The following MRPL48 variants were observed in gnomAD, a reference collection of about 807,000 sequenced individuals.
MRPL48 encodes mitochondrial ribosomal protein L48.
In MRPL48, 16 loss-of-function variants were observed where a neutral mutation model predicts 32.9. The observed-to-expected ratio is 0.49, with a 90% CI of 0.33 to 0.74. The LOEUF is 0.74. Among genes scored for constraint, MRPL48 ranks in the 30% least tolerant of loss-of-function variants. The pLI is 0.02. For synonymous variants in MRPL48, 94 were observed against 89.2 expected (o/e 1.05, Z -0.31); for missense variants, 206 against 245.3 (o/e 0.84, Z 1.07).
chr11:73,852,522 C>T (rs1020247469), intron 5 of MRPL48, among the ~76,000 whole-genome samples: 2 of 151,884 alleles, frequency 1.3e-5, no homozygotes, highest in South Asian at 2.1e-4. Context: ...CATCACTGAT[C>T]GTCAGAGAAA....
intron 4 of MRPL48, among the ~76,000 whole-genome samples, chr11:73,835,839 A>G (rs1225082372): frequency 1.3e-5 from 2 of 152,142 alleles, no homozygotes; most frequent in African/African-American, 2.4e-5. Context: ...TGAAGGTTGC[A>G]GTGAGTCGAG....
rs1471314897 is a variant in MRPL48 at position 73,804,425 on chromosome 11, C to T, written c.22-602C>T. 5.9e-5 allele frequency among the ~76,000 whole-genome samples: 9 copies of T among 151,998 alleles called. 1 individual carries two copies. Among genetic ancestry groups the T allele is most frequent in the Non-Finnish European group, 1.2e-4 (8 of 67,994 alleles). On this transcript the variant is annotated intron_variant, in intron 1 of 7. Coordinates refer to ENST00000310614, the MANE Select transcript of MRPL48 (RefSeq NM_016055.6). The stretch of plus-strand genomic sequence containing the variant: ...CTGAGTAGCTGGGAGTACAGGCATG[C>T]ACCACCATGCCCGGCTAATTTTTGT...
At chr11:73,826,334 G>GTAATAATACTTACTTAAGTATTTGTAA (rs1429252029) in intron 4 of MRPL48, among the ~76,000 whole-genome samples, 1 of 151,726 alleles carries the variant, frequency 6.6e-6, no homozygotes, top group Non-Finnish European at 1.5e-5. Context: ...TTTATTATTT[G>GTAATAATACTTACTTAAGTATTTGTAA]TAATACTTAA....
chr11:73,845,265 C>T, intron 5 of MRPL48: 1 of 251,720 alleles, frequency 4.0e-6, no homozygotes, highest in Non-Finnish European at 7.5e-6. Context: ...AATGAAATCA[C>T]ACAGTATGTA....
chr11:73,829,616 C>T (rs1005000044), intron 4 of MRPL48, among the ~76,000 whole-genome samples: 5 of 152,214 alleles, frequency 3.3e-5, no homozygotes, highest in Non-Finnish European at 5.9e-5. Flanking sequence ...GTGATCCTCC[C>T]ACCTTGGCCT....
intron 1 of MRPL48, among the ~76,000 whole-genome samples, chr11:73,792,846 T>C (rs1043320610): frequency 3.9e-5 from 6 of 152,246 alleles, no homozygotes; most frequent in Non-Finnish European, 7.3e-5. Context: ...CCATTAATAA[T>C]GCAACTTGTA....
chr11:73,798,696 A>G (rs1016052913), intron 1 of MRPL48, among the ~76,000 whole-genome samples: 14 of 152,078 alleles, frequency 9.2e-5, no homozygotes, highest in African/African-American at 3.4e-4. Context: ...CGTACGTGGG[A>G]AAGGTAATGG....
intron 1 of MRPL48, among the ~76,000 whole-genome samples, chr11:73,795,664 G>T (rs889314915): frequency 7.7e-6 from 1 of 129,096 alleles, no homozygotes; most frequent in Non-Finnish European, 1.6e-5. Context: ...CCGCCACCAC[G>T]CCCAGCTAAT....
At chr11:73,816,288 C>T (rs1159531514) in intron 3 of MRPL48, among the ~76,000 whole-genome samples, 1 of 149,164 alleles carries the variant, frequency 6.7e-6, no homozygotes, top group Non-Finnish European at 1.5e-5. Flanking sequence ...GTCTCGATCT[C>T]CTGACCTCGT....
intron 6 of MRPL48, among the ~76,000 whole-genome samples, chr11:73,861,668 C>T (rs1463344529): frequency 2.0e-5 from 3 of 152,012 alleles, no homozygotes; most frequent in Non-Finnish European, 4.4e-5. Flanking sequence ...TGTGCCCGGC[C>T]AATGGAGCTA....
chr11:73,840,561 G>A (rs1180767422), intron 4 of MRPL48, among the ~76,000 whole-genome samples: 6 of 152,180 alleles, frequency 3.9e-5, no homozygotes, highest in African/African-American at 9.7e-5. Context: ...GTGCAGTGGT[G>A]TGATCTCAGC....
chr11:73,861,439 G>A (rs1007068049), intron 6 of MRPL48, among the ~76,000 whole-genome samples: 1 of 152,028 alleles, frequency 6.6e-6, no homozygotes, highest in Non-Finnish European at 1.5e-5. Context: ...GTGCGATCTC[G>A]GCTCACCGCA....
chr11:73,796,967 C>T (rs1048802872), intron 1 of MRPL48, among the ~76,000 whole-genome samples: 7 of 151,984 alleles, frequency 4.6e-5, no homozygotes, highest in Non-Finnish European at 7.4e-5. Flanking sequence ...CTTAGGAGGT[C>T]GAGGCAGGAG....
In MRPL48 at chr11:73,849,503, A is replaced by G. The variant is rs1420901368; in HGVS notation, c.371+4527A>G. On this transcript the variant is annotated intron_variant, in intron 5 of 7. Coordinates refer to ENST00000310614, the MANE Select transcript of MRPL48 (RefSeq NM_016055.6). ...TTCAGAATTCCATACAAATAAAATC[A>G]TATAGTATTTTTCTTTTTGATTCTT... Among the ~76,000 whole-genome samples the G allele has an allele frequency of 2.6e-5, 4 of 152,302 alleles. No individual in the cohort carries two copies. The East Asian group carries it at 5.8e-4, about 22-fold the overall frequency.
chr11:73,790,749 A>G (rs960822128), intron 1 of MRPL48, among the ~76,000 whole-genome samples: 1 of 149,978 alleles, frequency 6.7e-6, no homozygotes, highest in African/African-American at 2.5e-5. Context: ...CTAGTCTCGA[A>G]CTCCTGGCTT....
intron 5 of MRPL48, among the ~76,000 whole-genome samples, chr11:73,855,185 T>C (rs951253624): frequency 2.6e-5 from 4 of 152,048 alleles, no homozygotes; most frequent in Non-Finnish European, 1.5e-5. Flanking sequence ...TTTTTCCTAA[T>C]TCTCTATTCT....
At chr11:73,854,987 G>A (rs1948461556) in intron 5 of MRPL48, among the ~76,000 whole-genome samples, 1 of 151,968 alleles carries the variant, frequency 6.6e-6, no homozygotes, top group South Asian at 2.1e-4. Context: ...TGTAAAATGG[G>A]GTTACTAAAA....
chr11:73,835,324 T>C (rs1441618595), intron 4 of MRPL48, among the ~76,000 whole-genome samples: 1 of 151,678 alleles, frequency 6.6e-6, no homozygotes, highest in African/African-American at 2.4e-5. Context: ...GTATTTTTAG[T>C]AGAGATGGAG....
intron 1 of MRPL48, among the ~76,000 whole-genome samples, chr11:73,791,468 G>T (rs1206274682): frequency 6.6e-6 from 1 of 151,974 alleles, no homozygotes; most frequent in South Asian, 2.1e-4. Flanking sequence ...CCAGGCAGCA[G>T]TGCAGTGGAG....
Sources: allele counts gnomAD v4.1 joint callset (sites outside exome capture counted in the v4.1 genomes callset), GRCh38; gene constraint gnomAD v4.1.1; transcripts MANE v1.5; gene names NCBI Gene and HGNC (gene_info 2026-07-23, HGNC 2026-07-21).